The following DLG2 variants were observed in gnomAD, a reference collection of about 807,000 sequenced individuals.
The protein encoded by DLG2 is disks large homolog 2.
In DLG2, 45 loss-of-function variants were observed where a neutral mutation model predicts 132.5. The ratio of observed to expected loss-of-function variants is 0.34; its 90% CI spans 0.27 to 0.44. The LOEUF (loss-of-function observed/expected upper bound fraction) is 0.44. Ranked by LOEUF, DLG2 falls within the 20% of genes least tolerant of loss-of-function variation. The pLI is 1.00. For missense variants in DLG2, 1,045 were observed against 1,196.9 expected, an observed-to-expected ratio of 0.87 and a Z score of 1.87; for synonymous variants, 424 against 419.6, an observed-to-expected ratio of 1.01 and a Z score of -0.13.
At chr11:83,955,420 C>T (rs772245854) in intron 14 of DLG2, among the ~76,000 whole-genome samples, 4 of 152,138 alleles carry the variant, frequency 2.6e-5, no homozygotes, top group Non-Finnish European at 4.4e-5. Flanking sequence ...GTGACAGTGA[C>T]AGGAGGCAGC....
chr11:84,891,344 T>A (rs563236346), intron 6 of DLG2, among the ~76,000 whole-genome samples: 18 of 152,304 alleles, frequency 1.2e-4, no homozygotes, highest in Non-Finnish European at 2.2e-4. Context: ...TTTTAAATTA[T>A]CTTCAATAAA....
chr11:84,606,280 G>C (rs1053305975), intron 6 of DLG2, among the ~76,000 whole-genome samples: 1 of 152,084 alleles, frequency 6.6e-6, no homozygotes, highest in Non-Finnish European at 1.5e-5. Context: ...ATAAACCGCA[G>C]CATATTCATG....
chr11:84,435,304 T>C (rs1214292864), intron 7 of DLG2, among the ~76,000 whole-genome samples: 1 of 152,188 alleles, frequency 6.6e-6, no homozygotes, highest in African/African-American at 2.4e-5. Context: ...ATAAGCTATG[T>C]TATAAAATTA....
chr11:84,748,388 T>A (rs960167893), intron 6 of DLG2, among the ~76,000 whole-genome samples: 1 of 152,144 alleles, frequency 6.6e-6, no homozygotes, highest in Non-Finnish European at 1.5e-5. Context: ...AATAACTACA[T>A]AATGAGAAGT....
At chr11:83,989,942 A>G (rs2093611232) in intron 11 of DLG2, among the ~76,000 whole-genome samples, 1 of 152,168 alleles carries the variant, frequency 6.6e-6, no homozygotes, top group South Asian at 2.1e-4. Context: ...GTGTCCATGA[A>G]AAAGAAATAG....
chr11:84,584,674 CTTTTTTTTTTTTTTTTTTTT>C (rs71036428), intron 6 of DLG2, among the ~76,000 whole-genome samples: 6 of 55,774 alleles, frequency 1.1e-4, no homozygotes, highest in Non-Finnish European at 1.5e-4. Flanking sequence ...CCCAGCATTC[CTTTTTTTTTTTTTTTTTTTT>C]TTTTTTTTTT....
intron 3 of DLG2, among the ~76,000 whole-genome samples, chr11:85,576,478 A>G (rs904726350): frequency 3.3e-5 from 5 of 152,164 alleles, no homozygotes; most frequent in East Asian, 1.9e-4. Flanking sequence ...TTGTAAACCC[A>G]AAGATCCATT....
intron 7 of DLG2, among the ~76,000 whole-genome samples, chr11:84,334,792 A>G (rs2154402970): frequency 6.6e-6 from 1 of 152,268 alleles, no homozygotes; most frequent in East Asian, 1.9e-4. Flanking sequence ...CTTTGATAGC[A>G]TGAATAAAAG....
chr11:85,155,904 G>A (rs1283246533), intron 4 of DLG2, among the ~76,000 whole-genome samples: 2 of 151,770 alleles, frequency 1.3e-5, no homozygotes, highest in African/African-American at 4.8e-5. Context: ...ACGTTAATGA[G>A]GAGAAATTTC....
intron 14 of DLG2, among the ~76,000 whole-genome samples, chr11:83,950,629 C>T (rs2085187883): frequency 6.6e-6 from 1 of 152,138 alleles, no homozygotes; most frequent in African/African-American, 2.4e-5. Flanking sequence ...AAGCAAATGG[C>T]TTGGGCCACA....
chr11:84,517,020 AAAATAAATAAAT>A (rs58063905), intron 7 of DLG2, among the ~76,000 whole-genome samples: 4 of 101,458 alleles, frequency 3.9e-5, no homozygotes, highest in African/African-American at 7.5e-5. Context: ...AAAAAAATAA[AAAATAAATAAAT>A]AAATAAATAA....
In DLG2 at chr11:84,592,055, T is replaced by C. The variant is rs563180462; in HGVS notation, c.358-57324A>G. Among the ~76,000 whole-genome samples the C allele has an allele frequency of 8.7e-4, 133 of 152,246 alleles. 4 individuals carry two copies. In the South Asian group the frequency reaches 0.025, roughly 29 times the overall value. The stretch of plus-strand genomic sequence containing the variant: ...TTTTTGTAGAGATGGGTTCTTGCCA[T>C]GTTGCCCAGGCTGGTCTTGAACTCC... On this transcript the variant is annotated intron_variant, in intron 6 of 27. Coordinates refer to ENST00000376104, the MANE Select transcript of DLG2 (RefSeq NM_001142699.3).
At chr11:83,897,076 A>C (rs2071943529) in intron 15 of DLG2, among the ~76,000 whole-genome samples, 1 of 152,178 alleles carries the variant, frequency 6.6e-6, no homozygotes, top group Non-Finnish European at 1.5e-5. Flanking sequence ...CAATAACATG[A>C]ATTATTCAAT....
intron 6 of DLG2, among the ~76,000 whole-genome samples, chr11:84,701,001 C>T (rs147651828): frequency 2.0e-5 from 3 of 151,530 alleles, no homozygotes; most frequent in Admixed American, 2.0e-4. Context: ...TTCTGGCTTT[C>T]AGGATGTAAA....
In DLG2 at chr11:84,715,195, G is replaced by A. The variant is rs542948243; in HGVS notation, c.358-180464C>T. 3.3e-3 allele frequency among the ~76,000 whole-genome samples: 495 copies of A among 152,254 alleles called. 2 individuals are homozygous for A. The highest frequency in any genetic ancestry group is 5.7e-3 in the Non-Finnish European group (390 of 68,002). ...ACGGGCTTCACAGTGGTTCAGTTGA[G>A]CTGTTATATTAACAAATTGCTATTA... is the stretch of plus-strand genomic sequence containing the variant. On this transcript the variant is annotated intron_variant, in intron 6 of 27. Transcript: ENST00000376104.
At chr11:84,502,139 T>C (rs1349898971) in intron 7 of DLG2, among the ~76,000 whole-genome samples, 2 of 97,272 alleles carry the variant, frequency 2.1e-5, no homozygotes, top group African/African-American at 1.2e-4. Flanking sequence ...TCTTTCTCCT[T>C]TCTTTCCTTC....
intron 14 of DLG2, among the ~76,000 whole-genome samples, chr11:83,945,080 TACA>T (rs2083497285): frequency 6.6e-6 from 1 of 152,168 alleles, no homozygotes; most frequent in East Asian, 1.9e-4. Flanking sequence ...CTTTAATCTG[TACA>T]ACAACAAACT....
chr11:85,356,799 GATA>G (rs2083728327), intron 3 of DLG2, among the ~76,000 whole-genome samples: 1 of 150,960 alleles, frequency 6.6e-6, no homozygotes, highest in Non-Finnish European at 1.5e-5. Flanking sequence ...TAGATAGATA[GATA>G]GATAGATAGA....
At chr11:84,740,245 G>C (rs2064418285) in intron 6 of DLG2, among the ~76,000 whole-genome samples, 1 of 152,002 alleles carries the variant, frequency 6.6e-6, no homozygotes, top group Admixed American at 6.6e-5. Context: ...GAGGCACCCA[G>C]CTTCTGCAGC....
Sources: allele counts gnomAD v4.1 joint callset (sites outside exome capture counted in the v4.1 genomes callset), GRCh38; gene constraint gnomAD v4.1.1; transcripts MANE v1.5; gene names NCBI Gene and HGNC (gene_info 2026-07-23, HGNC 2026-07-21).